The following CCDC125 variants were observed in gnomAD, a reference collection of about 807,000 sequenced individuals.
CCDC125 encodes coiled-coil domain containing 125, also known as coiled-coil domain-containing protein 125.
In CCDC125, 43 loss-of-function variants were observed where a neutral mutation model predicts 57.4. The ratio of observed to expected loss-of-function variants is 0.75; its 90% CI spans 0.59 to 0.97. The LOEUF is 0.97. CCDC125 is among the 50% of genes least tolerant of loss of function. CCDC125 has a pLI of 0.00. For missense variants in CCDC125, 563 were observed against 595.7 expected (o/e 0.95, Z 0.57); for synonymous variants, 187 against 195.2 (o/e 0.96, Z 0.35).
chr5:69,300,239 A>T (rs1207775046), intron 7 of CCDC125, 112 bp from the exon 8 acceptor site: 15 of 776,818 alleles, frequency 1.9e-5, no homozygotes, highest in Non-Finnish European at 3.4e-5. Flanking sequence ...CACTACCCAC[A>T]ACATCGGGCT....
At chr5:69,286,292 C>T (rs1326145749) in intron 10 of CCDC125, among the ~76,000 whole-genome samples, 3 of 140,036 alleles carry the variant, frequency 2.1e-5, no homozygotes, top group Non-Finnish European at 3.0e-5. Context: ...AGTGCAGTGG[C>T]GCAATCTCGG....
intron 8 of CCDC125, among the ~76,000 whole-genome samples, chr5:69,299,209 ACGCCATTCT>A (rs1284742427): frequency 6.6e-6 from 1 of 150,688 alleles, no homozygotes. Flanking sequence ...TCCTGGGTTC[ACGCCATTCT>A]CCTGCCTCAG....
downstream of CCDC125, among the ~76,000 whole-genome samples, chr5:69,276,186 G>A (rs1247756132): frequency 1.3e-5 from 2 of 151,974 alleles, no homozygotes; most frequent in African/African-American, 2.4e-5. Context: ...GCACCACCAC[G>A]CCCAGCTTAT....
At chr5:69,304,658 C>G (rs1161737481) in intron 6 of CCDC125, among the ~76,000 whole-genome samples, 2 of 152,026 alleles carry the variant, frequency 1.3e-5, no homozygotes, top group Non-Finnish European at 2.9e-5. Flanking sequence ...CTCCTGACTT[C>G]AAGTGATCTG....
chr5:69,317,973 A>ATTT lies in CCDC125; in HGVS notation c.304+2261_304+2263dup, dbSNP rs34680998. Among the ~76,000 whole-genome samples the ATTT allele has an allele frequency of 6.0e-3, 492 of 82,364 alleles. 45 individuals carry two copies. Among genetic ancestry groups the ATTT allele is most frequent in the African/African-American group, 0.02 (430 of 21,100 alleles). 54.0% of individuals were successfully genotyped at this position (82,364 alleles called of 152,430 possible). On this transcript the variant is annotated intron_variant, in intron 2 of 11. Transcript: ENST00000396496. ...AACATAGTGAGACCTTGTCTCTAGA[A>ATTT]TTTTTTTTTTTTTTTTTTTTTTTTT...
At chr5:69,294,932 A>C (rs774811176) in intron 8 of CCDC125, 32 bp from the exon 9 acceptor site, 1 of 1,575,394 alleles carries the variant, frequency 6.3e-7, no homozygotes, top group Non-Finnish European at 8.7e-7. Context: ...TCCTGTTATT[A>C]AGTGTCACAC....
downstream of CCDC125, among the ~76,000 whole-genome samples, chr5:69,278,157 C>T (rs190899263): frequency 8.5e-5 from 13 of 152,080 alleles, no homozygotes; most frequent in African/African-American, 3.1e-4. Context: ...GCTGGGATTA[C>T]AGGCATGAGC....
intron 3 of CCDC125, 40 bp from the exon 4 acceptor site, chr5:69,311,244 T>C: frequency 8.3e-7 from 1 of 1,207,358 alleles, no homozygotes; most frequent in Non-Finnish European, 1.2e-6. Flanking sequence ...ATCTGCAAGA[T>C]ATGCAACCCT....
At chr5:69,304,574 C>T (rs937814539) in intron 6 of CCDC125, among the ~76,000 whole-genome samples, 5 of 151,152 alleles carry the variant, frequency 3.3e-5, no homozygotes, top group South Asian at 2.1e-4. Context: ...TACAGGCGCC[C>T]GCCACCACGC....
At chr5:69,299,344 T>C (rs1359318317) in intron 8 of CCDC125, among the ~76,000 whole-genome samples, 4 of 152,132 alleles carry the variant, frequency 2.6e-5, no homozygotes, top group East Asian at 1.9e-4. Flanking sequence ...CTCCTGACCT[T>C]GTGATCCGCC....
At position 69,311,187 on chromosome 5, in the gene CCDC125, T is replaced by C; in HGVS notation, c.384A>G (p.Lys128=). ...NETLEEVEML[K]TELEASQRQL... Reference sequence around the variant, plus strand: ...GTCTTTGAGATGCCTCAAGTTCAGTTTTTAACATTTCTACCTCCTGAGGAC... The same window carrying C: ...GTCTTTGAGATGCCTCAAGTTCAGTCTTTAACATTTCTACCTCCTGAGGAC... Residue 128 remains lysine, a synonymous_variant, in exon 4 of 12, where the codon AAA becomes AAG. Transcript: ENST00000396496. 2 of 1,607,836 alleles carry C rather than the reference T, an allele frequency of 1.2e-6. No homozygotes were observed. Among genetic ancestry groups the C allele is most frequent in the Non-Finnish European group, 1.7e-6 (2 of 1,175,390 alleles).
chr5:69,284,218 T>C (rs1249613679), intron 11 of CCDC125, among the ~76,000 whole-genome samples: 5 of 152,174 alleles, frequency 3.3e-5, no homozygotes, highest in African/African-American at 1.2e-4. Flanking sequence ...AGGTATATAA[T>C]ATCAACATAT....
At chr5:69,326,052 G>A (rs1011582880) in intron 1 of CCDC125, among the ~76,000 whole-genome samples, 4 of 152,024 alleles carry the variant, frequency 2.6e-5, no homozygotes, top group Non-Finnish European at 4.4e-5. Context: ...GGGCCAGCCA[G>A]TCTTGAACTT....
At chr5:69,307,250 C>T (rs1015913439) in intron 5 of CCDC125, among the ~76,000 whole-genome samples, 8 of 151,974 alleles carry the variant, frequency 5.3e-5, no homozygotes, top group African/African-American at 1.9e-4. Context: ...ATGGTCCCAT[C>T]AAGGGAGAAC....
chr5:69,301,489 C>T (rs78106423), intron 7 of CCDC125, among the ~76,000 whole-genome samples: 15,744 of 151,868 alleles, frequency 0.1, 975 homozygotes, highest in South Asian at 0.19. Context: ...TAATGTTGCA[C>T]TTTGGGAGGC....
intron 11 of CCDC125, among the ~76,000 whole-genome samples, chr5:69,284,599 C>T (rs932122464): frequency 1.3e-5 from 2 of 152,036 alleles, no homozygotes; most frequent in African/African-American, 4.8e-5. Context: ...AAAAGATGAG[C>T]TGAGGGAGAT....
At chr5:69,315,293 T>A (rs1245291508) in intron 2 of CCDC125, among the ~76,000 whole-genome samples, 2 of 151,576 alleles carry the variant, frequency 1.3e-5, no homozygotes, top group Non-Finnish European at 2.9e-5. Flanking sequence ...CTGGGCACGG[T>A]GGCTTACACC....
At chr5:69,283,516 G>A (rs536641149) in intron 11 of CCDC125, among the ~76,000 whole-genome samples, 8 of 149,010 alleles carry the variant, frequency 5.4e-5, no homozygotes, top group South Asian at 4.3e-4. Flanking sequence ...CACCGTGCCC[G>A]GCCAATTCTT....
At chr5:69,313,668 T>C (rs1030697716) in intron 3 of CCDC125, 6 of 752,146 alleles carry the variant, frequency 8.0e-6, no homozygotes, top group Non-Finnish European at 1.5e-5. Flanking sequence ...AAAGGTGGCA[T>C]AGGGGTTGTC....
Sources: allele counts gnomAD v4.1 joint callset (sites outside exome capture counted in the v4.1 genomes callset), GRCh38; gene constraint gnomAD v4.1.1; transcripts MANE v1.5; gene names NCBI Gene and HGNC (gene_info 2026-07-23, HGNC 2026-07-21).